Variants in GNG4 observed in about 807,000 individuals in gnomAD.
GNG4 encodes the protein G protein subunit gamma 4.
GNG4 carries 4 observed loss-of-function variants against 5.8 expected under a neutral mutation model. The observed-to-expected ratio is 0.69, with a 90% CI of 0.34 to 1.57. GNG4 has a LOEUF of 1.57. Among genes scored for constraint, GNG4 ranks in the 40% most tolerant of loss-of-function variants. GNG4 has a pLI of 0.06. For missense variants in GNG4, 96 were observed against 95.1 expected (o/e 1.01, Z -0.04); for synonymous variants, 29 against 32.9 (o/e 0.88, Z 0.41).
chr1:235,649,800 CG>C (rs1373966285), upstream of GNG4: 4 of 150,024 alleles, frequency 2.7e-5, no homozygotes, highest in African/African-American at 4.9e-5. This position sits in a 1 kb window ranked among gnomAD's most constrained non-coding sequence, Gnocchi z 5.7. Flanking sequence ...CCGCCGCCCG[CG>C]GGGTCTCCGC....
At chr1:235,607,688 T>C (rs1228705630) in intron 1 of GNG4, among the ~76,000 whole-genome samples, 1 of 152,190 alleles carries the variant, frequency 6.6e-6, no homozygotes. Flanking sequence ...TTTCATGCCA[T>C]CCCATCGGCA....
chr1:235,627,809 A>G (rs1190684237), intron 1 of GNG4, among the ~76,000 whole-genome samples: 1 of 152,218 alleles, frequency 6.6e-6, no homozygotes, highest in African/African-American at 2.4e-5. Context: ...CTTAGTTTCA[A>G]CCATGAGACT....
At chr1:235,636,706 G>C (rs939598694) in intron 1 of GNG4, among the ~76,000 whole-genome samples, 6 of 152,186 alleles carry the variant, frequency 3.9e-5, no homozygotes, top group African/African-American at 1.2e-4. Flanking sequence ...CCCCAAAGCA[G>C]GGTGGGATCC....
At chr1:235,595,182 C>G (rs1441360020) in intron 2 of GNG4, among the ~76,000 whole-genome samples, 1 of 152,152 alleles carries the variant, frequency 6.6e-6, no homozygotes, top group African/African-American at 2.4e-5. Flanking sequence ...TAGGGGATAA[C>G]AGGAGGTGGC....
intron 1 of GNG4, among the ~76,000 whole-genome samples, chr1:235,629,849 C>T (rs1688897004): frequency 6.6e-6 from 1 of 152,160 alleles, no homozygotes; most frequent in Non-Finnish European, 1.5e-5. Context: ...GCCTCAGCCT[C>T]CCAAAGTGCT....
intron 3 of GNG4, among the ~76,000 whole-genome samples, chr1:235,552,831 C>T (rs1045740496): frequency 2.6e-5 from 4 of 152,026 alleles, no homozygotes; most frequent in South Asian, 2.1e-4. Flanking sequence ...GCGTGATCTC[C>T]GCTCACTGCA....
intron 3 of GNG4, among the ~76,000 whole-genome samples, chr1:235,577,395 T>G (rs1687512342): frequency 6.6e-6 from 1 of 152,130 alleles, no homozygotes; most frequent in Non-Finnish European, 1.5e-5. Flanking sequence ...ATGCAGTCAG[T>G]ATGGGCCTGG....
chr1:235,601,738 C>T (rs912011400), intron 1 of GNG4, among the ~76,000 whole-genome samples: 1 of 152,038 alleles, frequency 6.6e-6, no homozygotes, highest in Non-Finnish European at 1.5e-5. Context: ...GAGATGCCGA[C>T]GATGAATGAG....
intron 3 of GNG4, among the ~76,000 whole-genome samples, chr1:235,562,365 G>A (rs956798993): frequency 1.3e-5 from 2 of 152,082 alleles, no homozygotes; most frequent in African/African-American, 4.8e-5. Flanking sequence ...GGGATTTTGG[G>A]GTGGGGCACA....
chr1:235,604,227 C>T (rs1007797878), intron 1 of GNG4, among the ~76,000 whole-genome samples: 2 of 152,204 alleles, frequency 1.3e-5, no homozygotes, highest in African/African-American at 2.4e-5. Flanking sequence ...TGTGTTTGTA[C>T]AGTCTATAAA....
At chr1:235,620,108 A>T (rs1017046105) in intron 1 of GNG4, among the ~76,000 whole-genome samples, 3 of 152,368 alleles carry the variant, frequency 2.0e-5, no homozygotes, top group Admixed American at 6.5e-5. Flanking sequence ...TCACGCCTGT[A>T]ATCCCAGCGC....
At chr1:235,573,407 T>C (rs577783004) in intron 3 of GNG4, among the ~76,000 whole-genome samples, 4 of 151,622 alleles carry the variant, frequency 2.6e-5, no homozygotes, top group East Asian at 3.9e-4. Context: ...ACACCAAATA[T>C]GGCACACGTA....
At chr1:235,637,902 T>C (rs1157738680) in intron 1 of GNG4, among the ~76,000 whole-genome samples, 1 of 152,210 alleles carries the variant, frequency 6.6e-6, no homozygotes, top group African/African-American at 2.4e-5. Flanking sequence ...CCCAAGGAGC[T>C]GACCTCTGCT....
In GNG4 at chr1:235,553,322, T is replaced by C. The variant is rs570477754; in HGVS notation, c.100-1085A>G. The stretch of plus-strand genomic sequence containing the variant: ...CTGTGTCATGTGCTTGGCAGATAAA[T>C]GGCCTGTGCATTAACTCATCCTGCC... On this transcript the variant is annotated intron_variant, in intron 3 of 3. Transcript: ENST00000391854. Among the ~76,000 whole-genome samples the C allele has an allele frequency of 2.6e-5, 4 of 152,316 alleles. No individual in the cohort carries two copies. The East Asian group carries it at 5.8e-4, about 22-fold the overall frequency.
intron 1 of GNG4, among the ~76,000 whole-genome samples, chr1:235,630,976 G>A (rs972117214): frequency 2.0e-5 from 3 of 151,504 alleles, no homozygotes; most frequent in African/African-American, 7.3e-5. Flanking sequence ...TCGGCTCACT[G>A]CAAGCTCTGC....
chr1:235,594,776 C>T (rs1237656956), intron 2 of GNG4, among the ~76,000 whole-genome samples: 1 of 152,224 alleles, frequency 6.6e-6, no homozygotes, highest in African/African-American at 2.4e-5. Context: ...TCCACACCTC[C>T]CTGCAAGCTG....
chr1:235,606,686 G>A (rs547311117), intron 1 of GNG4, among the ~76,000 whole-genome samples: 20 of 152,290 alleles, frequency 1.3e-4, no homozygotes, highest in Non-Finnish European at 2.5e-4. Flanking sequence ...GCAGACAGGA[G>A]GACTGATAGA....
intron 1 of GNG4, among the ~76,000 whole-genome samples, chr1:235,604,496 G>A (rs1688320697): frequency 6.6e-6 from 1 of 152,184 alleles, no homozygotes; most frequent in Admixed American, 6.5e-5. Context: ...AAGGCCCCAG[G>A]AGAAAATCCT....
chr1:235,591,407 G>T (rs1051572012), intron 2 of GNG4, among the ~76,000 whole-genome samples: 1 of 152,224 alleles, frequency 6.6e-6, no homozygotes, highest in African/African-American at 2.4e-5. Flanking sequence ...TGGGGGAGAA[G>T]GTAATGGCTT....
Sources: allele counts gnomAD v4.1 joint callset (sites outside exome capture counted in the v4.1 genomes callset), GRCh38; gene constraint gnomAD v4.1.1; non-coding constraint Gnocchi (gnomAD v3.1); transcripts MANE v1.5; gene names NCBI Gene and HGNC (gene_info 2026-07-23, HGNC 2026-07-21).